Variants in EYS observed in about 807,000 individuals in gnomAD.
The protein encoded by EYS is EGF-like photoreceptor maintenance factor.
Under a neutral mutation model 282.1 loss-of-function variants are expected in EYS, and 250 were observed. The observed-to-expected ratio is 0.89, with a 90% CI of 0.80 to 0.98. The LOEUF (loss-of-function observed/expected upper bound fraction) is 0.98. EYS is among the 50% of genes least tolerant of loss of function. The probability of loss-of-function intolerance (pLI) is 0.00; values close to 1 mark genes in which losing one functional copy is unlikely to be tolerated. For missense variants in EYS, 4,016 were observed against 3,709.0 expected (o/e 1.08, Z -2.15); for synonymous variants, 1,355 against 1,282.9 (o/e 1.06, Z -1.20).
chr6:64,047,338 A>G (rs1770663187), intron 33 of EYS, among the ~76,000 whole-genome samples: 2 of 152,184 alleles, frequency 1.3e-5, no homozygotes, highest in Admixed American at 1.3e-4. Context: ...CATCAGCAAA[A>G]AACAACAGAA....
At position 64,929,053 on chromosome 6, in the gene EYS, C is replaced by A. The variant is rs560359296; in HGVS notation, c.2382-16310G>T. On this transcript the variant is annotated intron_variant, in intron 15 of 42. Transcript: ENST00000503581. ...ACCTTGAGGTCCTAATCACCAGGAT[C>A]TCAAAATGTGGCCTTTTTTGAAAAT... Among the ~76,000 whole-genome samples the A allele has an allele frequency of 2.8e-4, 42 of 152,188 alleles. No individual in the cohort carries two copies. In the South Asian group the frequency reaches 3.9e-3, roughly 14 times the overall value.
At chr6:65,095,674 G>A (rs890979465) in intron 12 of EYS, among the ~76,000 whole-genome samples, 8 of 150,820 alleles carry the variant, frequency 5.3e-5, no homozygotes, top group Middle Eastern at 3.4e-3. Context: ...AATTCTTTTC[G>A]TTAACAGAAT....
intron 19 of EYS, among the ~76,000 whole-genome samples, chr6:64,838,633 C>CACACACAG (rs1297921321): frequency 1.3e-5 from 2 of 151,738 alleles, no homozygotes; most frequent in Admixed American, 1.3e-4. Flanking sequence ...CACACACACA[C>CACACACAG]ACACACACAC....
At chr6:63,795,218 A>G (rs1484540922) in intron 37 of EYS, among the ~76,000 whole-genome samples, 2 of 152,200 alleles carry the variant, frequency 1.3e-5, no homozygotes, top group Non-Finnish European at 2.9e-5. Context: ...GGTTAGAGCA[A>G]ATCTCATGGG....
chr6:64,997,811 A>T (rs1771322030), intron 13 of EYS, 108 bp from the exon 14 acceptor site: 1 of 934,192 alleles, frequency 1.1e-6, no homozygotes, highest in African/African-American at 1.7e-5. Flanking sequence ...ACTTTTAACC[A>T]AATAAAGTAA....
rs147972536 is a variant in EYS at position 63,938,189 on chromosome 6, C to T, written c.7055+46194G>A. On this transcript the variant is annotated intron_variant, in intron 35 of 42. Transcript: ENST00000503581. ...GGAAACTCAAGTACCTAGCCAACCT[C>T]ACCTAATGCTACAGGAATAACGCAT... 4.2e-3 allele frequency among the ~76,000 whole-genome samples: 636 copies of T among 152,308 alleles called. 2 individuals are homozygous for T. Among genetic ancestry groups the T allele is most frequent in the African/African-American group, 0.014 (578 of 41,568 alleles).
At chr6:63,928,388 T>C (rs1269198048) in intron 35 of EYS, among the ~76,000 whole-genome samples, 3 of 152,220 alleles carry the variant, frequency 2.0e-5, no homozygotes, top group Non-Finnish European at 4.4e-5. Flanking sequence ...AATATTTTTG[T>C]ATGTTTTATT....
chr6:63,971,231 TG>T (rs1354522223), intron 35 of EYS, among the ~76,000 whole-genome samples: 1 of 152,224 alleles, frequency 6.6e-6, no homozygotes, highest in African/African-American at 2.4e-5. Context: ...AACTTAAGGA[TG>T]ATTTACCTGT....
intron 8 of EYS, among the ~76,000 whole-genome samples, chr6:65,367,706 A>G (rs1466910): frequency 0.21 from 32,252 of 151,578 alleles, 4,045 homozygotes; most frequent in Non-Finnish European, 0.27. Context: ...TAAAAATCAA[A>G]TATAAAAGTG....
chr6:64,094,795 G>C (rs1291688758), intron 31 of EYS, among the ~76,000 whole-genome samples: 2 of 152,058 alleles, frequency 1.3e-5, no homozygotes, highest in Non-Finnish European at 2.9e-5. Context: ...CCTTCTGCTA[G>C]CTTTTGAATG....
chr6:64,525,862 C>T (rs984579733), intron 26 of EYS, among the ~76,000 whole-genome samples: 4 of 151,594 alleles, frequency 2.6e-5, no homozygotes, highest in Non-Finnish European at 4.4e-5. Flanking sequence ...AAATTGTACT[C>T]CTGGGCATTC....
intron 5 of EYS, among the ~76,000 whole-genome samples, chr6:65,445,546 A>T (rs1393590647): frequency 2.6e-5 from 4 of 151,554 alleles, no homozygotes; most frequent in African/African-American, 9.7e-5. Flanking sequence ...CCTTCATGTG[A>T]TTTTAGGTTT....
At chr6:64,078,615 T>C (rs182791211) in intron 32 of EYS, among the ~76,000 whole-genome samples, 68 of 152,216 alleles carry the variant, frequency 4.5e-4, no homozygotes, top group African/African-American at 1.3e-3. Flanking sequence ...TCATGGGCTC[T>C]GAAACTCTCT....
At chr6:64,750,470 G>T (rs185352096) in intron 22 of EYS, among the ~76,000 whole-genome samples, 40 of 151,390 alleles carry the variant, frequency 2.6e-4, no homozygotes, top group African/African-American at 8.9e-4. Flanking sequence ...AAGCTAAATG[G>T]TAAATAATTT....
intron 12 of EYS, among the ~76,000 whole-genome samples, chr6:65,181,658 T>C (rs1222767770): frequency 1.3e-5 from 2 of 152,010 alleles, no homozygotes; most frequent in African/African-American, 2.4e-5. Flanking sequence ...GGCGATTCCT[T>C]AGGGATCTAG....
intron 26 of EYS, among the ~76,000 whole-genome samples, chr6:64,562,639 A>G (rs1765432795): frequency 6.6e-6 from 1 of 151,936 alleles, no homozygotes; most frequent in Admixed American, 6.6e-5. Context: ...AGAGAGAAAG[A>G]GATCTGAACT....
chr6:64,477,958 A>G (rs142368509), intron 26 of EYS, among the ~76,000 whole-genome samples: 30 of 152,006 alleles, frequency 2.0e-4, no homozygotes, highest in African/African-American at 6.7e-4. Context: ...TGTAAAATAG[A>G]CCTCTGATTT....
chr6:64,009,459 T>C (rs936895669), intron 33 of EYS, among the ~76,000 whole-genome samples: 2 of 151,628 alleles, frequency 1.3e-5, no homozygotes, highest in African/African-American at 4.9e-5. Context: ...AATTTTTTTG[T>C]ATTTTCAGTA....
chr6:65,330,840 C>A, intron 11 of EYS: 3 of 935,658 alleles, frequency 3.2e-6, no homozygotes, highest in Non-Finnish European at 3.8e-6. Flanking sequence ...CATTTAGAGT[C>A]TACTTCTATA....
Sources: gnomAD v4.1 joint callset for allele counts (sites outside exome capture counted in the v4.1 genomes callset) on GRCh38, gnomAD v4.1.1 for gene constraint, MANE v1.5 for transcripts, NCBI Gene and HGNC (gene_info 2026-07-23, HGNC 2026-07-21) for gene names.